The following LAMC3 variants were observed in gnomAD, a reference collection of about 807,000 sequenced individuals.
LAMC3 encodes laminin subunit gamma-3.
In LAMC3, 128 loss-of-function variants were observed where a neutral mutation model predicts 173.8. The ratio of observed to expected loss-of-function variants is 0.74; its 90% CI spans 0.64 to 0.85. The LOEUF (loss-of-function observed/expected upper bound fraction) is 0.85, where lower values mean the gene tolerates loss of function less well. LAMC3 is among the 40% of genes least tolerant of loss of function. The pLI is 0.00. For synonymous variants in LAMC3, 897 were observed against 909.1 expected (o/e 0.99, Z 0.24); for missense variants, 2,022 against 2,156.0 (o/e 0.94, Z 1.23).
At chr9:131,055,280 G>C (rs1443712255) in intron 11 of LAMC3, among the ~76,000 whole-genome samples, 2 of 152,116 alleles carry the variant, frequency 1.3e-5, no homozygotes, top group South Asian at 2.1e-4. Context: ...TGTGTCTACA[G>C]ATGGTCATTT....
In LAMC3 at chr9:131,068,186, G is replaced by A; in HGVS notation, c.2702G>A (p.Cys901Tyr). The change falls in exon 15 of 28, where the codon TGC becomes TAC. Residue 901 changes from cysteine (C) to tyrosine (Y), a missense_variant. Physicochemically the swap from Cys to Tyr is radical, Grantham distance 194 (BLOSUM62 -2). Coordinates refer to ENST00000361069, the MANE Select transcript of LAMC3 (RefSeq NM_006059.4). ...PHVTARDCSR[C>Y]YPGFFDLQPG... is the part of the protein sequence containing the mutation. Reference sequence around the variant, plus strand: ...GTGACTGCACGGGACTGCAGCCGCTGCTACCCTGGCTTCTTCGACCTCCAG... The same window carrying A: ...GTGACTGCACGGGACTGCAGCCGCTACTACCCTGGCTTCTTCGACCTCCAG... 1 of 1,612,772 alleles carries A rather than the reference G, an allele frequency of 6.2e-7. No homozygotes were observed. Among genetic ancestry groups the A allele is most frequent in the Non-Finnish European group, 8.5e-7 (1 of 1,179,574 alleles).
chr9:131,074,520 A>G (rs968439190), intron 20 of LAMC3, among the ~76,000 whole-genome samples: 6 of 151,442 alleles, frequency 4.0e-5, no homozygotes, highest in Non-Finnish European at 8.8e-5. Context: ...ACATGGTAAA[A>G]CCCCGTCTCC....
chr9:131,084,097 G>A (rs1281829169), intron 24 of LAMC3, among the ~76,000 whole-genome samples: 1 of 149,824 alleles, frequency 6.7e-6, no homozygotes, highest in Non-Finnish European at 1.5e-5. Context: ...TGGACAGGCT[G>A]GTTTTGAACT....
intron 4 of LAMC3, 101 bp downstream of exon 4, chr9:131,036,433 A>G (rs370509533): frequency 1.5e-6 from 2 of 1,378,448 alleles, no homozygotes; most frequent in African/African-American, 2.8e-5. Context: ...GCTCCTGGGT[A>G]CGCCCCGGGG....
In LAMC3 at chr9:131,053,036, G is replaced by A. The variant is rs982230032; in HGVS notation, c.1939+71G>A. ...TCTCAGAACTGGGCTGGGCTCCGGC[G>A]GTCACAGTCTTGTCAGGGCCTTGCG... On this transcript the variant is annotated intron_variant, in intron 11 of 27. Transcript: ENST00000361069. The A allele has an allele frequency of 3.5e-5, 41 of 1,161,408 alleles. 2 individuals carry two copies. Among genetic ancestry groups the A allele is most frequent in the Middle Eastern group, 3.8e-4 (2 of 5,264 alleles). 71.9% of individuals were successfully genotyped at this position (1,161,408 alleles called of 1,614,324 possible). A position where few individuals can be genotyped will look rare whatever the true frequency, so the allele number is the denominator to read the frequency against.
In LAMC3 at chr9:131,073,336, A is replaced by G. The variant is rs144611238; in HGVS notation, c.3494+15A>G. On this transcript the variant is annotated intron_variant, in intron 20 of 27. Coordinates refer to ENST00000361069, the MANE Select transcript of LAMC3 (RefSeq NM_006059.4). ...CTCGCCAGGAGGTGAGTCCCAAGAC[A>G]TGGTGAGCTTACACCTGGCCCTTCT... 1.9e-6 allele frequency: 3 copies of G among 1,605,808 alleles called. No homozygotes were observed. Among genetic ancestry groups the G allele is most frequent in the South Asian group, 1.1e-5 (1 of 90,930 alleles).
At chr9:131,021,323 G>A (rs1164975401) in intron 1 of LAMC3, 3 of 151,982 alleles carry the variant, frequency 2.0e-5, no homozygotes, top group African/African-American at 4.8e-5. Context: ...TAGTTTTTTC[G>A]GGAACCACCA....
At position 131,061,190 on chromosome 9, in the gene LAMC3, G is replaced by A. The variant is rs202022335; in HGVS notation, c.2314G>A (p.Val772Met). The change falls in exon 13 of 28, where the codon GTG (valine) becomes ATG (methionine). Residue 772 changes from valine (V) to methionine (M), a missense_variant. Transcript: ENST00000361069. ...ACTTIPESRE[V>M]VCTHCPPGQR... ...TACGACCATCCCAGAGAGCCGGGAG[G>A]TGGTGTGTACCCACTGCCCCCCGGG... 6.6e-5 allele frequency: 107 copies of A among 1,610,006 alleles called. No individual in the cohort carries two copies. The highest frequency in any genetic ancestry group is 9.0e-5 in the Non-Finnish European group (106 of 1,179,886).
intron 8 of LAMC3, among the ~76,000 whole-genome samples, chr9:131,047,571 G>T (rs1834193908): frequency 6.6e-6 from 1 of 151,680 alleles, no homozygotes; most frequent in South Asian, 2.1e-4. Flanking sequence ...GGAAACTGTG[G>T]CTGGGCGCAG....
At chr9:131,085,450 C>T in intron 24 of LAMC3, 74 bp from the exon 25 acceptor site, 1 of 1,495,134 alleles carries the variant, frequency 6.7e-7, no homozygotes, top group Non-Finnish European at 9.3e-7. Context: ...CCAGGCAGCT[C>T]TGCCAGCGGC....
intron 1 of LAMC3, among the ~76,000 whole-genome samples, chr9:131,019,121 G>A (rs956863641): frequency 6.6e-6 from 1 of 152,224 alleles, no homozygotes; most frequent in East Asian, 1.9e-4. Flanking sequence ...AATTAGCCAG[G>A]CTTGGTGGTG....
At chr9:131,083,713 A>C (rs1830280994) in intron 24 of LAMC3, among the ~76,000 whole-genome samples, 1 of 152,218 alleles carries the variant, frequency 6.6e-6, no homozygotes, top group Non-Finnish European at 1.5e-5. Context: ...AGGGCTCCAC[A>C]CAATACATGC....
chr9:131,022,337 G>A (rs963044976), intron 1 of LAMC3, among the ~76,000 whole-genome samples: 1 of 151,972 alleles, frequency 6.6e-6, no homozygotes, highest in Non-Finnish European at 1.5e-5. Context: ...TCCCACCTTG[G>A]CCTCCCAAAG....
chr9:131,071,651 G>A (rs1292265908), intron 18 of LAMC3, 26 bp downstream of exon 18: 3 of 1,526,288 alleles, frequency 2.0e-6, no homozygotes, highest in African/African-American at 1.4e-5. Flanking sequence ...AGAGCGGGAG[G>A]GTGGGAGGCA....
intron 1 of LAMC3, among the ~76,000 whole-genome samples, chr9:131,010,054 T>C (rs941634512): frequency 8.4e-5 from 12 of 142,874 alleles, no homozygotes; most frequent in African/African-American, 2.9e-4. Context: ...CTCAGGAGGC[T>C]GGGGCAGGAG....
At position 131,026,367 on chromosome 9, in the gene LAMC3, C is replaced by T. The variant is rs368974870; in HGVS notation, c.456C>T (p.Arg152=). The T allele has an allele frequency of 5.9e-5, 96 of 1,614,034 alleles. No individual in the cohort carries two copies. The highest frequency in any genetic ancestry group is 2.9e-4 in the African/African-American group (22 of 74,944). ...GCTTTGCCATCTACAAGCGCAGCCGCGCCGACGGCCCATGGGAGCCCTACC... is the reference window on the plus strand; with the variant it reads ...GCTTTGCCATCTACAAGCGCAGCCGTGCCGACGGCCCATGGGAGCCCTACC... ...PESFAIYKRS[R]ADGPWEPYQF... is the part of the protein sequence containing the mutation. The change falls in exon 2 of 28, where the codon CGC becomes CGT. Residue 152 remains arginine, a synonymous_variant. Coordinates refer to ENST00000361069, the MANE Select transcript of LAMC3 (RefSeq NM_006059.4). The surrounding 1 kb of genome is among the most constrained non-coding windows in gnomAD (Gnocchi z 4.8).
chr9:131,049,202 A>C, intron 9 of LAMC3, 72 bp downstream of exon 9: 7 of 871,246 alleles, frequency 8.0e-6, no homozygotes, highest in African/African-American at 1.7e-5. Context: ...CTTGCCGCAT[A>C]TTAGAGGCTG....
chr9:131,075,883 G>T lies in LAMC3; in HGVS notation c.3547G>T (p.Ala1183Ser). Reference sequence around the variant, plus strand: ...AGCCACTGCTTGGAGGGCCCTGCTCGCCTCCAACACCAGCTACGCGCTTCT... The same window carrying T: ...AGCCACTGCTTGGAGGGCCCTGCTCTCCTCCAACACCAGCTACGCGCTTCT... The part of the protein sequence containing the change: ...IAATAWRALL[A>S]SNTSYALLWN... The change falls in exon 21 of 28, where the codon GCC (alanine) becomes TCC (serine). Residue 1183 changes from alanine to serine, a missense_variant. Coordinates refer to ENST00000361069, the MANE Select transcript of LAMC3 (RefSeq NM_006059.4). 2 of 1,612,356 alleles carry T rather than the reference G, an allele frequency of 1.2e-6. No homozygotes were observed. Among genetic ancestry groups the T allele is most frequent in the Non-Finnish European group, 1.7e-6 (2 of 1,179,152 alleles).
intron 12 of LAMC3, among the ~76,000 whole-genome samples, chr9:131,058,300 G>A (rs898991103): frequency 3.3e-5 from 5 of 152,018 alleles, no homozygotes; most frequent in Non-Finnish European, 7.4e-5. Flanking sequence ...ATTTTCAGTA[G>A]AGATGGCGTT....
Sources: allele counts gnomAD v4.1 joint callset (sites outside exome capture counted in the v4.1 genomes callset), GRCh38; gene constraint gnomAD v4.1.1; non-coding constraint Gnocchi (gnomAD v3.1); transcripts MANE v1.5; gene names NCBI Gene and HGNC (gene_info 2026-07-23, HGNC 2026-07-21).